Variants in GAPVD1 observed in about 807,000 individuals in gnomAD.
GAPVD1 encodes the protein GTPase-activating protein and VPS9 domain-containing protein 1.
A neutral mutation model predicts 155.5 loss-of-function variants in GAPVD1; 35 were observed. The ratio of observed to expected loss-of-function variants is 0.23; its 90% CI spans 0.17 to 0.30. The LOEUF (loss-of-function observed/expected upper bound fraction) is 0.30. Among genes scored for constraint, GAPVD1 ranks in the 10% least tolerant of loss-of-function variants. The probability of loss-of-function intolerance (pLI) is 1.00; values close to 1 mark genes in which losing one functional copy is unlikely to be tolerated. For synonymous variants in GAPVD1, 636 were observed against 619.7 expected, an observed-to-expected ratio of 1.03 and a Z score of -0.39; for missense variants, 1,429 against 1,775.7, an observed-to-expected ratio of 0.80 and a Z score of 3.51.
intron 2 of GAPVD1, among the ~76,000 whole-genome samples, chr9:125,278,401 A>G (rs1232277422): frequency 6.6e-6 from 1 of 152,022 alleles, no homozygotes; most frequent in Non-Finnish European, 1.5e-5. Flanking sequence ...GGTGCTGGTA[A>G]TCCCAGGTAC....
intron 4 of GAPVD1, among the ~76,000 whole-genome samples, chr9:125,300,039 ATATATATATAT>A (rs1184274117): frequency 0.028 from 427 of 15,142 alleles, 140 homozygotes; most frequent in Non-Finnish European, 0.038. Flanking sequence ...AAAAAAAAAA[ATATATATATAT>A]ATATATATAT....
chr9:125,329,997 C>T (rs1184349297), intron 12 of GAPVD1, 81 bp from the exon 13 acceptor site: 4 of 1,149,826 alleles, frequency 3.5e-6, no homozygotes, highest in Middle Eastern at 2.1e-4. Flanking sequence ...ATTTTGTTAG[C>T]TAGTGTTTGG....
chr9:125,360,779 G>A (rs1261436573), intron 27 of GAPVD1, 54 bp downstream of exon 27: 12 of 1,330,644 alleles, frequency 9.0e-6, no homozygotes, highest in East Asian at 2.3e-5. Flanking sequence ...TGAGCAGGTG[G>A]CACAGGGCTT....
intron 23 of GAPVD1, among the ~76,000 whole-genome samples, chr9:125,352,547 C>T (rs1849459118): frequency 6.6e-6 from 1 of 152,228 alleles, no homozygotes; most frequent in African/African-American, 2.4e-5. Context: ...CCCTAGGCTG[C>T]ACACAGCATG....
At chr9:125,353,643 C>T (rs1307431575) in intron 23 of GAPVD1, among the ~76,000 whole-genome samples, 1 of 152,160 alleles carries the variant, frequency 6.6e-6, no homozygotes, top group Non-Finnish European at 1.5e-5. Flanking sequence ...GCTGGGGAGG[C>T]CTCAAAATTA....
At chr9:125,283,986 C>A (rs947754628) in intron 2 of GAPVD1, among the ~76,000 whole-genome samples, 1 of 151,774 alleles carries the variant, frequency 6.6e-6, no homozygotes, top group Admixed American at 6.6e-5. Context: ...GATTCTCCTG[C>A]GTCAGGCTTC....
At position 125,305,017 on chromosome 9, in the gene GAPVD1, T is replaced by C. The variant is rs73668914; in HGVS notation, c.1030-46T>C. ...GCTTTCATAGAGACGTATTTGTGAG[T>C]ATCTGTCTGTAGCTTATGTCTCCCT... On this transcript the variant is annotated intron_variant, in intron 5 of 27. Transcript: ENST00000297933. The C allele has an allele frequency of 8.5e-3, 10,225 of 1,208,882 alleles. 263 individuals are homozygous for C. The African/African-American group carries it at 0.085, about 10-fold the overall frequency. 74.9% of individuals were successfully genotyped at this position (1,208,882 alleles called of 1,614,324 possible).
chr9:125,272,452 C>T (rs982016520), intron 2 of GAPVD1, among the ~76,000 whole-genome samples: 1 of 152,130 alleles, frequency 6.6e-6, no homozygotes, highest in Admixed American at 6.6e-5. Flanking sequence ...TGTGATAGGC[C>T]AACTTGGATT....
chr9:125,275,704 T>C (rs946995808), intron 2 of GAPVD1, among the ~76,000 whole-genome samples: 2 of 152,118 alleles, frequency 1.3e-5, no homozygotes, highest in African/African-American at 4.8e-5. Flanking sequence ...TGCAGTAAGC[T>C]GTGATCTAGC....
chr9:125,321,423 TA>T lies in GAPVD1; in HGVS notation c.1603-9del. 6.2e-7 allele frequency: 1 copy of T among 1,605,532 alleles called. No homozygotes were observed. Among genetic ancestry groups the T allele is most frequent in the Non-Finnish European group, 8.5e-7 (1 of 1,175,032 alleles). ...CATTGATAAACCAAAATTGACATTTTATTTTTTAGGTCCTAAACATGCAGCT... is the reference window on the plus strand; with the variant it reads ...CATTGATAAACCAAAATTGACATTTTTTTTTTAGGTCCTAAACATGCAGCT... On this transcript the variant is annotated splice_polypyrimidine_tract_variant and intron_variant, in intron 9 of 27. Coordinates refer to ENST00000297933, the MANE Select transcript of GAPVD1 (RefSeq NM_001282680.3).
At chr9:125,284,192 T>TC (rs1564286685) in intron 2 of GAPVD1, among the ~76,000 whole-genome samples, 1 of 147,006 alleles carries the variant, frequency 6.8e-6, no homozygotes, top group Non-Finnish European at 1.5e-5. Flanking sequence ...TTTTTTTTTT[T>TC]TTTTTTTTTG....
At chr9:125,330,287 C>G (rs1845896588) in intron 13 of GAPVD1, 69 bp downstream of exon 13, 1 of 1,002,512 alleles carries the variant, frequency 1.0e-6, no homozygotes, top group Non-Finnish European at 1.5e-6. Context: ...GGTATCCCAA[C>G]TCTGTATTAT....
intron 11 of GAPVD1, among the ~76,000 whole-genome samples, chr9:125,324,557 A>G (rs1276851683): frequency 6.6e-6 from 1 of 152,142 alleles, no homozygotes; most frequent in Non-Finnish European, 1.5e-5. Context: ...GCATTGCACA[A>G]CAGGCTGGGC....
intron 13 of GAPVD1, 64 bp downstream of exon 13, chr9:125,330,282 C>A: frequency 9.2e-7 from 1 of 1,082,294 alleles, no homozygotes; most frequent in Non-Finnish European, 1.3e-6. Context: ...TGCAAGGTAT[C>A]CCAACTCTGT....
In GAPVD1 at chr9:125,326,577, C is replaced by G; in HGVS notation, c.2020C>G (p.Gln674Glu). The change falls in exon 12 of 28, where the codon CAA (glutamine) becomes GAA (glutamate). Residue 674 changes from glutamine (Q) to glutamate (E), a missense_variant. Physicochemically the swap from Gln to Glu is conservative, Grantham distance 29. Transcript: ENST00000297933. ...FDPNIDEDRL[Q>E]EIAGAAAENM... ...CCCTAATATTGATGAAGATCGCTTG[C>G]AAGAAATTGCAGGTAACTGCCATTT... 1 of 1,609,678 alleles carries G rather than the reference C, an allele frequency of 6.2e-7. No individual in the cohort carries two copies. Among genetic ancestry groups the G allele is most frequent in the East Asian group, 2.2e-5 (1 of 44,864 alleles).
At chr9:125,274,785 A>G (rs770151705) in intron 2 of GAPVD1, among the ~76,000 whole-genome samples, 1 of 152,052 alleles carries the variant, frequency 6.6e-6, no homozygotes, top group Non-Finnish European at 1.5e-5. Flanking sequence ...TAATTCATTT[A>G]ACTTTCAAAA....
intron 8 of GAPVD1, among the ~76,000 whole-genome samples, chr9:125,311,819 A>G (rs2131232186): frequency 6.6e-6 from 1 of 151,672 alleles, no homozygotes; most frequent in Non-Finnish European, 1.5e-5. Flanking sequence ...TGCCTGGTTC[A>G]AGTGATTCTC....
intron 3 of GAPVD1, among the ~76,000 whole-genome samples, chr9:125,296,358 G>GTTTTTTTTTTTTTTTTTTT (rs1554758517): frequency 8.2e-6 from 1 of 121,756 alleles, no homozygotes; most frequent in African/African-American, 3.6e-5. Context: ...TAGTTCTTAG[G>GTTTTTTTTTTTTTTTTTTT]TTTTTTTTTT....
chr9:125,307,623 TTGTG>T, intron 7 of GAPVD1, 64 bp from the exon 8 acceptor site: 1 of 1,556,054 alleles, frequency 6.4e-7, no homozygotes, highest in Non-Finnish European at 8.9e-7. Context: ...CATGAGTACA[TTGTG>T]TGGGAAATAC....
Sources: allele counts gnomAD v4.1 joint callset (sites outside exome capture counted in the v4.1 genomes callset), GRCh38; gene constraint gnomAD v4.1.1; transcripts MANE v1.5; gene names NCBI Gene and HGNC (gene_info 2026-07-23, HGNC 2026-07-21).